CSMD1: variants seen among roughly 807,000 people sequenced by gnomAD.
CSMD1 encodes CUB and sushi domain-containing protein 1.
Under a neutral mutation model 417.5 loss-of-function variants are expected in CSMD1, and 213 were observed. The observed-to-expected ratio is 0.51, with a 90% confidence interval of 0.46 to 0.57. CSMD1 has a LOEUF of 0.57. Among genes scored for constraint, CSMD1 ranks in the 20% least tolerant of loss-of-function variants. The pLI is 0.00. For synonymous variants in CSMD1, 2,862 were observed against 1,736.8 expected (o/e 1.65, Z -16.11); for missense variants, 6,923 against 4,529.7 (o/e 1.53, Z -15.17).
chr8:3,902,842 T>C (rs964728092), intron 5 of CSMD1, among the ~76,000 whole-genome samples: 2 of 150,448 alleles, frequency 1.3e-5, no homozygotes. Flanking sequence ...CCATCTTGGA[T>C]ACTGAATAAA....
At chr8:3,787,880 G>C (rs1335623886) in intron 5 of CSMD1, among the ~76,000 whole-genome samples, 2 of 152,232 alleles carry the variant, frequency 1.3e-5, no homozygotes, top group Non-Finnish European at 2.9e-5. Context: ...ATAAGTATGA[G>C]AGAGTGTTAC....
At chr8:4,678,182 G>A (rs1024269476) in intron 1 of CSMD1, among the ~76,000 whole-genome samples, 33 of 152,118 alleles carry the variant, frequency 2.2e-4, no homozygotes, top group Non-Finnish European at 4.1e-4. Flanking sequence ...AGGCTGAGGC[G>A]TGTAGATCAC....
intron 12 of CSMD1, among the ~76,000 whole-genome samples, chr8:3,415,331 A>G (rs2922086): frequency 0.89 from 135,345 of 152,162 alleles, 60,397 homozygotes; most frequent in Middle Eastern, 0.95. Context: ...ACCATGTTGT[A>G]TAAGAGATCC....
intron 41 of CSMD1, among the ~76,000 whole-genome samples, chr8:3,140,447 C>G (rs1818370205): frequency 6.6e-6 from 1 of 152,158 alleles, no homozygotes; most frequent in South Asian, 2.1e-4. Flanking sequence ...AAGGGGAACA[C>G]AGAAAGAGTG....
At chr8:3,347,681 G>A (rs960769212) in intron 22 of CSMD1, among the ~76,000 whole-genome samples, 1 of 152,166 alleles carries the variant, frequency 6.6e-6, no homozygotes, top group Admixed American at 6.5e-5. Flanking sequence ...GTCCAGAAAG[G>A]TAGGTACAAT....
chr8:3,590,191 T>C (rs1456094081), intron 8 of CSMD1, among the ~76,000 whole-genome samples: 1 of 152,188 alleles, frequency 6.6e-6, no homozygotes, highest in African/African-American at 2.4e-5. Flanking sequence ...TATATTTATA[T>C]CTAAATATTA....
intron 25 of CSMD1, among the ~76,000 whole-genome samples, chr8:3,306,983 T>A (rs1398513688): frequency 6.6e-6 from 1 of 152,164 alleles, no homozygotes; most frequent in South Asian, 2.1e-4. Flanking sequence ...TTCTTTTATA[T>A]GTGTTACTTT....
chr8:4,358,389 G>C (rs986374312), intron 3 of CSMD1, among the ~76,000 whole-genome samples: 26 of 152,108 alleles, frequency 1.7e-4, no homozygotes, highest in African/African-American at 6.3e-4. Context: ...GAAAAAGAAG[G>C]GGACTGTTTC....
chr8:4,528,348 A>G (rs1194897042), intron 2 of CSMD1, among the ~76,000 whole-genome samples: 2 of 152,206 alleles, frequency 1.3e-5, no homozygotes, highest in African/African-American at 4.8e-5. Flanking sequence ...GGTGGGATCC[A>G]GGAAGTCACA....
At chr8:3,993,458 A>G (rs547126508) in intron 5 of CSMD1, among the ~76,000 whole-genome samples, 10 of 152,164 alleles carry the variant, frequency 6.6e-5, no homozygotes, top group Non-Finnish European at 1.5e-4. Flanking sequence ...CGTTCTTTGA[A>G]ATTCACTCAG....
At position 3,941,394 on chromosome 8, in the gene CSMD1, A is replaced by G. The variant is rs570316929; in HGVS notation, c.818+56509T>C. 1.1e-4 allele frequency among the ~76,000 whole-genome samples: 16 copies of G among 152,250 alleles called. No homozygotes were observed. In the South Asian group the frequency reaches 3.1e-3, roughly 30 times the overall value. ...ATTTTCAAGTAATTTTTGATTTCTCAAAAGTTTAAAATTGTAAATATTTCT... is the reference window on the plus strand; with the variant it reads ...ATTTTCAAGTAATTTTTGATTTCTCGAAAGTTTAAAATTGTAAATATTTCT... On this transcript the variant is annotated intron_variant, in intron 5 of 69. Coordinates refer to ENST00000635120, the MANE Select transcript of CSMD1 (RefSeq NM_033225.6).
At chr8:3,586,095 G>A in intron 9 of CSMD1, 41 bp downstream of exon 9, 2 of 1,587,480 alleles carry the variant, frequency 1.3e-6, no homozygotes, top group Non-Finnish European at 1.7e-6. Context: ...CAACCTTAAA[G>A]AAAGAGATAA....
chr8:4,412,085 G>A (rs1367711150), intron 3 of CSMD1, among the ~76,000 whole-genome samples: 2 of 151,878 alleles, frequency 1.3e-5, no homozygotes, highest in Non-Finnish European at 2.9e-5. Context: ...TTCTCAACGT[G>A]CAAGAGTGCG....
chr8:4,922,885 G>A (rs916091942), intron 1 of CSMD1, among the ~76,000 whole-genome samples: 6 of 152,090 alleles, frequency 3.9e-5, no homozygotes, highest in African/African-American at 7.2e-5. Context: ...TCTTCTCTAA[G>A]CCTCAAAAGA....
chr8:4,003,058 GC>G (rs1199339889), intron 4 of CSMD1, among the ~76,000 whole-genome samples: 1 of 152,076 alleles, frequency 6.6e-6, no homozygotes, highest in Non-Finnish European at 1.5e-5. Context: ...CAACAACACA[GC>G]AGGGGGATAT....
chr8:3,468,644 C>G (rs1816917324), intron 12 of CSMD1, 68 bp downstream of exon 12: 7 of 957,352 alleles, frequency 7.3e-6, no homozygotes, highest in Non-Finnish European at 1.1e-5. Context: ...ACCTAACCAA[C>G]ACAGAATGCT....
intron 46 of CSMD1, 115 bp downstream of exon 46, chr8:3,106,413 A>C: frequency 1.6e-6 from 1 of 621,382 alleles, no homozygotes; most frequent in Non-Finnish European, 2.7e-6. Flanking sequence ...TAAATAAATA[A>C]ATAATAAACA....
chr8:4,552,971 C>T (rs976367074), intron 2 of CSMD1, among the ~76,000 whole-genome samples: 1 of 152,198 alleles, frequency 6.6e-6, no homozygotes, highest in Non-Finnish European at 1.5e-5. Flanking sequence ...CTCTCTTGTA[C>T]CTTGCTTATG....
At chr8:3,896,921 A>G (rs1807409805) in intron 5 of CSMD1, among the ~76,000 whole-genome samples, 1 of 151,974 alleles carries the variant, frequency 6.6e-6, no homozygotes, top group Non-Finnish European at 1.5e-5. Flanking sequence ...AACAACCTCT[A>G]TCTCACAAAT....
Sources: gnomAD v4.1 joint callset for allele counts (sites outside exome capture counted in the v4.1 genomes callset) on GRCh38, gnomAD v4.1.1 for gene constraint, MANE v1.5 for transcripts, NCBI Gene and HGNC (gene_info 2026-07-23, HGNC 2026-07-21) for gene names.